The following STARD13 variants were observed in gnomAD, a reference collection of about 807,000 sequenced individuals.
The protein encoded by STARD13 is StAR related lipid transfer domain containing 13.
Under a neutral mutation model 106.4 loss-of-function variants are expected in STARD13, and 62 were observed. The ratio of observed to expected loss-of-function variants is 0.58; its 90% confidence interval spans 0.48 to 0.72. STARD13 has a LOEUF of 0.72. Ranked by LOEUF, STARD13 falls within the 30% of genes least tolerant of loss-of-function variation. The pLI, the probability that STARD13 is intolerant of heterozygous loss-of-function variation, is 0.00. For synonymous variants in STARD13, 565 were observed against 553.0 expected (o/e 1.02, Z -0.31); for missense variants, 1,387 against 1,424.0 (o/e 0.97, Z 0.42).
intron 3 of STARD13, among the ~76,000 whole-genome samples, chr13:33,163,658 C>CATATATATATAACACATATATAAAACAT (rs1882954938): frequency 1.4e-5 from 1 of 71,624 alleles, no homozygotes; most frequent in Admixed American, 1.9e-4. Flanking sequence ...ATATATAAAA[C>CATATATATATAACACATATATAAAACAT]ATATATATAT....
the STARD13 span, chr13:33,661,357 T>G: frequency 6.6e-6 from 1 of 152,176 alleles, no homozygotes; most frequent in African/African-American, 2.4e-5. Flanking sequence ...AAATGCAGGA[T>G]TTGTGAGACC....
chr13:33,224,168 G>T (rs1441423446), intron 1 of STARD13, among the ~76,000 whole-genome samples: 1 of 152,184 alleles, frequency 6.6e-6, no homozygotes, highest in Non-Finnish European at 1.5e-5. Context: ...AGCTTGACTA[G>T]TTAAGAGTAA....
chr13:33,590,106 C>G, the STARD13 span, among the ~76,000 whole-genome samples: 3 of 152,106 alleles, frequency 2.0e-5, no homozygotes, highest in East Asian at 3.9e-4. Flanking sequence ...AAATGCTCAT[C>G]ATTAGTGGCT....
chr13:33,475,519 C>A, the STARD13 span, among the ~76,000 whole-genome samples: 1 of 152,094 alleles, frequency 6.6e-6, no homozygotes, highest in Non-Finnish European at 1.5e-5. Flanking sequence ...AGCATACCAG[C>A]CATTTAAAAC....
At chr13:33,134,292 C>T (rs1244346341) in intron 4 of STARD13, among the ~76,000 whole-genome samples, 2 of 152,064 alleles carry the variant, frequency 1.3e-5, no homozygotes, top group Non-Finnish European at 2.9e-5. Context: ...TAAAAAATGG[C>T]CAAAAAAACT....
intron 1 of STARD13, among the ~76,000 whole-genome samples, chr13:33,211,827 ATGTGTG>A (rs1215767146): frequency 1.6e-4 from 24 of 146,956 alleles, no homozygotes; most frequent in African/African-American, 4.8e-4. Context: ...GTGTGTGTGT[ATGTGTG>A]TGTGTGTGTG....
chr13:33,132,361 A>G (rs1335426468), intron 4 of STARD13, among the ~76,000 whole-genome samples: 1 of 152,190 alleles, frequency 6.6e-6, no homozygotes, highest in Non-Finnish European at 1.5e-5. Context: ...GTGGTAGTGA[A>G]TAAGTCTCAT....
intron 1 of STARD13, among the ~76,000 whole-genome samples, chr13:33,258,385 G>T (rs896149068): frequency 6.6e-6 from 1 of 152,022 alleles, no homozygotes; most frequent in Non-Finnish European, 1.5e-5. Context: ...GGTTTCAACT[G>T]GATTTCGATT....
At chr13:33,513,629 C>T in the STARD13 span, among the ~76,000 whole-genome samples, 1 of 152,104 alleles carries the variant, frequency 6.6e-6, no homozygotes, top group Non-Finnish European at 1.5e-5. Context: ...TTTTAAATTC[C>T]ATAGCACATA....
At position 33,129,221 on chromosome 13, in the gene STARD13, A is replaced by T. The variant is rs1268590624; in HGVS notation, c.1456T>A (p.Leu486Met). The T allele has an allele frequency of 3.1e-6, 5 of 1,614,014 alleles. No individual in the cohort carries two copies. Among genetic ancestry groups the T allele is most frequent in the Non-Finnish European group, 4.2e-6 (5 of 1,180,022 alleles). Residue 486 changes from leucine to methionine, a missense_variant, in exon 5 of 14, where the codon TTG becomes ATG. Physicochemically the swap from Leu to Met is conservative, Grantham distance 15 (BLOSUM62 2). Coordinates refer to ENST00000336934, the MANE Select transcript of STARD13 (RefSeq NM_178006.4). ...TTGACATGCTGCAGAATGTCATCCAAGTGAGGGAAAAGGTCATCTTTCTCC... is the reference window on the plus strand; with the variant it reads ...TTGACATGCTGCAGAATGTCATCCATGTGAGGGAAAAGGTCATCTTTCTCC... ...DLEKDDLFPH[L>M]DDILQHVNGL...
chr13:33,350,226 G>A (rs1272441176), intron 1 of STARD13: 44 of 1,459,080 alleles, frequency 3.0e-5, no homozygotes, highest in Non-Finnish European at 3.7e-5. Context: ...CGGCGGGCCC[G>A]GGCGGGCTAC....
At chr13:33,627,905 C>A in the STARD13 span, among the ~76,000 whole-genome samples, 1 of 152,014 alleles carries the variant, frequency 6.6e-6, no homozygotes, top group African/African-American at 2.4e-5. Flanking sequence ...AAAGTCCCAC[C>A]ACTATAGTGT....
intron 1 of STARD13, among the ~76,000 whole-genome samples, chr13:33,327,641 G>A (rs2077791460): frequency 6.6e-6 from 1 of 152,196 alleles, no homozygotes; most frequent in South Asian, 2.1e-4. Context: ...ATAGCACTGG[G>A]ATTACAGGCA....
the STARD13 span, among the ~76,000 whole-genome samples, chr13:33,482,263 G>T: frequency 6.6e-6 from 1 of 152,102 alleles, no homozygotes; most frequent in African/African-American, 2.4e-5. Flanking sequence ...TAATGTGTAC[G>T]TGAGGGTTCA....
intron 3 of STARD13, among the ~76,000 whole-genome samples, chr13:33,156,065 G>T (rs1432704825): frequency 6.6e-6 from 1 of 152,112 alleles, no homozygotes; most frequent in Non-Finnish European, 1.5e-5. Flanking sequence ...GCTGCATTAC[G>T]CCCCCATTAC....
chr13:33,622,531 A>G, the STARD13 span, among the ~76,000 whole-genome samples: 1 of 137,078 alleles, frequency 7.3e-6, no homozygotes, highest in African/African-American at 2.7e-5. Flanking sequence ...CCCAGCTACT[A>G]GGGAGGCAGA....
intron 3 of STARD13, among the ~76,000 whole-genome samples, chr13:33,162,747 A>G (rs1380187171): frequency 2.3e-5 from 2 of 85,570 alleles, no homozygotes; most frequent in African/African-American, 9.7e-5. Context: ...TATTCATATC[A>G]CTATCAGCAT....
At chr13:33,236,972 C>T (rs1437277446) in intron 1 of STARD13, among the ~76,000 whole-genome samples, 3 of 152,144 alleles carry the variant, frequency 2.0e-5, no homozygotes, top group Non-Finnish European at 4.4e-5. Flanking sequence ...TCTTTCTTCC[C>T]TAGGATATAT....
the STARD13 span, among the ~76,000 whole-genome samples, chr13:33,665,011 G>C: frequency 1.9e-3 from 292 of 152,356 alleles, 2 homozygotes; most frequent in African/African-American, 6.6e-3. Context: ...TTTGTAAACT[G>C]TGTTGCAAAC....
Sources: gnomAD v4.1 joint callset for allele counts (sites outside exome capture counted in the v4.1 genomes callset) on GRCh38, gnomAD v4.1.1 for gene constraint, MANE v1.5 for transcripts, NCBI Gene and HGNC (gene_info 2026-07-23, HGNC 2026-07-21) for gene names.